POLQ: variants seen among roughly 807,000 people sequenced by gnomAD.
The protein encoded by POLQ is epididymis secretory sperm binding protein.
Under a neutral mutation model 259.2 loss-of-function variants are expected in POLQ, and 233 were observed. The ratio of observed to expected loss-of-function variants is 0.90; its 90% confidence interval spans 0.81 to 1.00. The LOEUF (loss-of-function observed/expected upper bound fraction) is 1.00, where lower values mean the gene tolerates loss of function less well. Among genes scored for constraint, POLQ ranks in the 50% least tolerant of loss-of-function variants. The pLI is 0.00. For missense variants in POLQ, 2,871 were observed against 3,051.6 expected, an observed-to-expected ratio of 0.94 and a Z score of 1.39; for synonymous variants, 1,025 against 1,048.8, an observed-to-expected ratio of 0.98 and a Z score of 0.44.
At position 121,456,769 on chromosome 3, in the gene POLQ, A is replaced by G. The variant is rs1476803485; in HGVS notation, c.7152+3281T>C. Among the ~76,000 whole-genome samples the G allele has an allele frequency of 3.1e-4, 47 of 152,192 alleles. 1 individual carries two copies. The highest frequency in any genetic ancestry group is 1.1e-3 in the Admixed American group (17 of 15,278). Reference sequence around the variant, plus strand: ...AAATGGAAGAACATTCCATGCTCATAGGTAGGAAGAATCAATATCGTGAAA... The same window carrying G: ...AAATGGAAGAACATTCCATGCTCATGGGTAGGAAGAATCAATATCGTGAAA... On this transcript the variant is annotated intron_variant, in intron 25 of 29. Transcript: ENST00000264233.
chr3:121,544,293 C>T (rs1220707098), intron 2 of POLQ, among the ~76,000 whole-genome samples: 1 of 151,916 alleles, frequency 6.6e-6, no homozygotes, highest in African/African-American at 2.4e-5. Flanking sequence ...GTGGAAGTTG[C>T]AGTAAGCCCA....
intron 3 of POLQ, among the ~76,000 whole-genome samples, chr3:121,540,525 T>C (rs2048482684): frequency 6.6e-6 from 1 of 152,232 alleles, no homozygotes; most frequent in South Asian, 2.1e-4. Flanking sequence ...ACTGTGAGCA[T>C]CATATTGATG....
Position 121,489,196 on chromosome 3 carries a change from C to T in POLQ, c.3735G>A (p.Glu1245=), listed in dbSNP as rs2048041529. 1 of 1,612,382 alleles carries T rather than the reference C, an allele frequency of 6.2e-7. No homozygotes were observed. The highest frequency in any genetic ancestry group is 8.5e-7 in the Non-Finnish European group (1 of 1,179,428). ...CCTGAAAATGACTTGGTTTATTTTCCTCTGTATTAAGCTTTATCCTTTCAC... is the reference window on the plus strand; with the variant it reads ...CCTGAAAATGACTTGGTTTATTTTCTTCTGTATTAAGCTTTATCCTTTCAC... The part of the protein sequence containing the change: ...INCERIKLNT[E]ENKPSHFQAL... The change falls in exon 16 of 30, where the codon GAG becomes GAA. Residue 1245 remains glutamate (E), a synonymous_variant. Coordinates refer to ENST00000264233, the MANE Select transcript of POLQ (RefSeq NM_199420.4).
At chr3:121,501,661 C>CCAAAA (rs2048170066) in intron 12 of POLQ, among the ~76,000 whole-genome samples, 1 of 39,912 alleles carries the variant, frequency 2.5e-5, no homozygotes, top group African/African-American at 1.1e-4. Context: ...GACTCCGTCT[C>CCAAAA]AAAAAAAAAA....
Position 121,488,744 on chromosome 3 carries a change from C to T in POLQ, c.4187G>A (p.Gly1396Asp). The T allele has an allele frequency of 1.9e-6, 3 of 1,613,944 alleles. No homozygotes were observed. Among genetic ancestry groups the T allele is most frequent in the South Asian group, 2.2e-5 (2 of 91,052 alleles). ...KIDHLDLKTV[G>D]TMKQSSDSHG... ...TGAATCACTGCTTTGTTTCATAGTA[C>T]CTACAGTCTTAAGGTCCAAATGATC... The change falls in exon 16 of 30, where the codon GGT becomes GAT. Residue 1396 changes from glycine to aspartate, a missense_variant. Around this residue, in one of 3 missense-constraint regions of POLQ, gnomAD observed 2,080 missense variants for 2,126.0 expected, o/e 0.98. Transcript: ENST00000264233.
chr3:121,467,380 GA>G, intron 24 of POLQ, 138 bp downstream of exon 24: 1 of 779,778 alleles, frequency 1.3e-6, no homozygotes, highest in Non-Finnish European at 2.0e-6. Flanking sequence ...TGACAAAGGA[GA>G]AAGGCAGGCT....
chr3:121,448,598 C>T (rs1054518913), intron 26 of POLQ, among the ~76,000 whole-genome samples: 1 of 151,952 alleles, frequency 6.6e-6, no homozygotes, highest in Non-Finnish European at 1.5e-5. Flanking sequence ...ATCTCTTGAC[C>T]TCGTGATCTG....
chr3:121,493,667 A>G lies in POLQ; in HGVS notation c.2333T>C (p.Leu778Pro). Reference sequence around the variant, plus strand: ...CGTAAGACGCTTCTGAAATTGGGAAAGTAGTAGTTCCATGTTGTGCCAGCC... The same window carrying G: ...CGTAAGACGCTTCTGAAATTGGGAAGGTAGTAGTTCCATGTTGTGCCAGCC... The part of the protein sequence containing the change: ...RLGWHNMELL[L>P]SQFQKRLTFG... Residue 778 changes from leucine (L) to proline (P), a missense_variant, in exon 15 of 30, where the codon CTT becomes CCT. By Grantham distance (98) the Leu-to-Pro change is moderately conservative. Transcript: ENST00000264233. The G allele has an allele frequency of 6.2e-7, 1 of 1,613,966 alleles. No individual in the cohort carries two copies. The highest frequency in any genetic ancestry group is 8.5e-7 in the Non-Finnish European group (1 of 1,179,782).
chr3:121,450,037 A>C (rs2047661510), intron 25 of POLQ, among the ~76,000 whole-genome samples: 1 of 152,236 alleles, frequency 6.6e-6, no homozygotes, highest in South Asian at 2.1e-4. Context: ...TTTAATCACA[A>C]GGACGGCCGG....
chr3:121,459,872 A>G (rs1231683079), intron 25 of POLQ, among the ~76,000 whole-genome samples, 178 bp downstream of exon 25: 1 of 152,090 alleles, frequency 6.6e-6, no homozygotes. Context: ...GGTTCTTCCT[A>G]CTGCCTCCAC....
chr3:121,487,523 C>G lies in POLQ; in HGVS notation c.5408G>C (p.Ser1803Thr), dbSNP rs192758267. ...FKDNSPISDT[S>T]FSLQLSQDGL... ...ATCCTGTGATAACTGAAGTGAAAAG[C>G]TTGTGTCACTAATAGGGCTGTTGTC... The change falls in exon 16 of 30, where the codon AGC becomes ACC. Residue 1803 changes from serine to threonine, a missense_variant. Around this residue, in one of 3 missense-constraint regions of POLQ, gnomAD observed 2,080 missense variants for 2,126.0 expected, o/e 0.98. Transcript: ENST00000264233. 3.7e-6 allele frequency: 6 copies of G among 1,613,934 alleles called. No individual in the cohort carries two copies. In the Admixed American group the frequency reaches 5.0e-5, roughly 13 times the overall value.
In POLQ at chr3:121,457,685, A is replaced by G. The variant is rs951240591; in HGVS notation, c.7152+2365T>C. 2.9e-3 allele frequency among the ~76,000 whole-genome samples: 442 copies of G among 152,358 alleles called. 1 individual carries two copies. The highest frequency in any genetic ancestry group is 0.01 in the African/African-American group (424 of 41,584). The stretch of plus-strand genomic sequence containing the variant: ...AAATGCAAATCAAAACCACAATGAG[A>G]TACCATCTCATACCAGTTAGAATGG... On this transcript the variant is annotated intron_variant, in intron 25 of 29. Coordinates refer to ENST00000264233, the MANE Select transcript of POLQ (RefSeq NM_199420.4).
In POLQ at chr3:121,539,652, G is replaced by A. The variant is rs2048476708; in HGVS notation, c.475-63C>T. On this transcript the variant is annotated intron_variant, in intron 3 of 29. Coordinates refer to ENST00000264233, the MANE Select transcript of POLQ (RefSeq NM_199420.4). ...CTTGAAATTCAAGAGTTATAAACTG[G>A]TTCTATCCCAGAACATAGACATAAG... is the stretch of plus-strand genomic sequence containing the variant. The A allele has an allele frequency of 3.2e-6, 4 of 1,247,216 alleles. No homozygotes were observed. The South Asian group carries it at 5.0e-5, about 16-fold the overall frequency. 77.3% of individuals were successfully genotyped at this position (1,247,216 alleles called of 1,614,324 possible).
intron 9 of POLQ, among the ~76,000 whole-genome samples, chr3:121,513,885 G>A (rs1056868011): frequency 2.0e-5 from 3 of 151,670 alleles, no homozygotes; most frequent in South Asian, 2.1e-4. Context: ...AGCCAGGCAT[G>A]ATGGCACATT....
intron 5 of POLQ, 116 bp from the exon 6 acceptor site, chr3:121,533,325 G>T: frequency 1.9e-6 from 1 of 527,146 alleles, no homozygotes. Flanking sequence ...ATTTCTTTAG[G>T]ATATATACCT....
chr3:121,507,798 T>G (rs2048220950), intron 12 of POLQ, among the ~76,000 whole-genome samples: 1 of 152,164 alleles, frequency 6.6e-6, no homozygotes, highest in African/African-American at 2.4e-5. Context: ...TTTAGTTTCC[T>G]CCCTGTCTAA....
intron 19 of POLQ, among the ~76,000 whole-genome samples, chr3:121,478,576 TAAAA>T (rs143898506): frequency 2.6e-5 from 2 of 77,366 alleles, no homozygotes; most frequent in African/African-American, 1.1e-4. Context: ...GGCAAATTTG[TAAAA>T]AAAAAAAAAA....
chr3:121,487,894 T>C lies in POLQ; in HGVS notation c.5037A>G (p.Gln1679=), dbSNP rs751387338. Reference sequence around the variant, plus strand: ...TTGTCTCCAAGTTTGAAATAACTTCTTGTTCTTCATTTAACTCTGTATTTT... The same window carrying C: ...TTGTCTCCAAGTTTGAAATAACTTCCTGTTCTTCATTTAACTCTGTATTTT... The part of the protein sequence containing the change: ...NRKNTELNEE[Q]EVISNLETKQ... Residue 1679 remains glutamine (Q), a synonymous_variant, in exon 16 of 30, where the codon CAA becomes CAG. Coordinates refer to ENST00000264233, the MANE Select transcript of POLQ (RefSeq NM_199420.4). The C allele has an allele frequency of 1.9e-6, 3 of 1,608,574 alleles. No individual in the cohort carries two copies. Among genetic ancestry groups the C allele is most frequent in the South Asian group, 1.1e-5 (1 of 89,792 alleles).
intron 3 of POLQ, among the ~76,000 whole-genome samples, chr3:121,540,041 G>C (rs1447130587): frequency 6.6e-6 from 1 of 151,762 alleles, no homozygotes; most frequent in Admixed American, 6.6e-5. Flanking sequence ...GTCAAATTCA[G>C]TGGGACTTTA....
Sources: allele counts gnomAD v4.1 joint callset (sites outside exome capture counted in the v4.1 genomes callset), GRCh38; gene constraint gnomAD v4.1.1; regional missense constraint gnomAD v4.1.1; transcripts MANE v1.5; gene names NCBI Gene and HGNC (gene_info 2026-07-23, HGNC 2026-07-21).